Variants in NDST1 observed in about 807,000 individuals in gnomAD.
NDST1 encodes the protein N-deacetylase and N-sulfotransferase 1.
A neutral mutation model predicts 92.8 loss-of-function variants in NDST1; 35 were observed. That is an observed-to-expected ratio of 0.38 (90% CI 0.29 to 0.50). The LOEUF (loss-of-function observed/expected upper bound fraction) is 0.50. Ranked by LOEUF, NDST1 falls within the 20% of genes least tolerant of loss-of-function variation. NDST1 has a pLI of 0.94. For synonymous variants in NDST1, 493 were observed against 500.3 expected (o/e 0.99, Z 0.19); for missense variants, 822 against 1,182.7 (o/e 0.69, Z 4.47).
At chr5:150,503,929 G>A (rs138533662), upstream of NDST1, among the ~76,000 whole-genome samples, 196 of 152,290 alleles carry the variant, frequency 1.3e-3, 3 homozygotes, top group East Asian at 0.015. Flanking sequence ...CTTAATTTAC[G>A]TGTAGGTAGG....
At chr5:150,552,273 C>T (rs1755757332) in intron 14 of NDST1, among the ~76,000 whole-genome samples, 1 of 152,006 alleles carries the variant, frequency 6.6e-6, no homozygotes, top group East Asian at 1.9e-4. Context: ...AAAAAAGGCT[C>T]CTTAAAGGAG....
intron 6 of NDST1, among the ~76,000 whole-genome samples, chr5:150,537,872 C>T (rs1172712429): frequency 1.3e-5 from 2 of 152,178 alleles, no homozygotes; most frequent in African/African-American, 4.8e-5. Context: ...GTACTCTTTC[C>T]CTTTATTTCT....
chr5:150,527,718 GT>G (rs1431480193), intron 2 of NDST1, 85 bp from the exon 3 acceptor site: 116 of 1,586,616 alleles, frequency 7.3e-5, no homozygotes, highest in Non-Finnish European at 9.7e-5. Flanking sequence ...TGATACCACT[GT>G]TATGGTCCAC....
At chr5:150,508,341 G>T (rs111561334) in intron 1 of NDST1, 115 bp downstream of exon 1, 1 of 154,140 alleles carries the variant, frequency 6.5e-6, no homozygotes, top group African/African-American at 2.4e-5. Flanking sequence ...GTGTGTGTGT[G>T]TGTGTGTGTG....
In NDST1 at chr5:150,541,660, A is replaced by G; in HGVS notation, c.1840A>G (p.Lys614Glu). 6.2e-7 allele frequency: 1 copy of G among 1,614,130 alleles called. No homozygotes were observed. The highest frequency in any genetic ancestry group is 8.5e-7 in the Non-Finnish European group (1 of 1,179,992). ...AAAGCTCCTCATCATCGGCCCCCAG[A>G]AAACAGGCAGGTCTCTCTGCTCTTG... ...FPKLLIIGPQ[K>E]TGTTALYLFL... The change falls in exon 9 of 15, where the codon AAA (lysine) becomes GAA (glutamate). Residue 614 changes from lysine to glutamate, a missense_variant. Physicochemically the swap from Lys to Glu is moderately conservative, Grantham distance 56. Transcript: ENST00000261797.
rs1755894033 is a variant in NDST1 at position 150,557,468 on chromosome 5, T to G, written c.*4136T>G. On this transcript the variant is annotated 3_prime_UTR_variant, in exon 15 of 15. Coordinates refer to ENST00000261797, the MANE Select transcript of NDST1 (RefSeq NM_001543.5). This position sits in a 1 kb window ranked among gnomAD's most constrained non-coding sequence, Gnocchi z 4.7. ...GAACTGCCTCCCGCAAGCTGTGGTG[T>G]GAGAAGAGCCCTGGCTGGCAGCAGG... The G allele has an allele frequency of 2.0e-5, 3 of 152,516 alleles. No homozygotes were observed. Among genetic ancestry groups the G allele is most frequent in the Admixed American group, 2.0e-4 (3 of 15,282 alleles). The allele number at this position is 152,516 out of a possible 1,614,324, so 9.4% of individuals were successfully genotyped here. A position where few individuals can be genotyped will look rare whatever the true frequency, so the allele number is the denominator to read the frequency against.
intron 3 of NDST1, 116 bp downstream of exon 3, chr5:150,528,414 A>G (rs1754567951): frequency 1.7e-6 from 2 of 1,196,610 alleles, no homozygotes; most frequent in African/African-American, 1.5e-5. Context: ...GGAGTTACTT[A>G]AAAGACAGTC....
chr5:150,553,374 G>T lies in NDST1; in HGVS notation c.*42G>T, dbSNP rs201134280. 1 of 1,606,096 alleles carries T rather than the reference G, an allele frequency of 6.2e-7. No individual in the cohort carries two copies. The highest frequency in any genetic ancestry group is 1.1e-5 in the South Asian group (1 of 90,862). On this transcript the variant is annotated 3_prime_UTR_variant, in exon 15 of 15. Coordinates refer to ENST00000261797, the MANE Select transcript of NDST1 (RefSeq NM_001543.5). This position sits in a 1 kb window ranked among gnomAD's most constrained non-coding sequence, Gnocchi z 4.2. ...CAGACTGAACGTTTGTGAAAGCTGGGACATCCCACCACACGCTGAGCCAGA... is the reference window on the plus strand; with the variant it reads ...CAGACTGAACGTTTGTGAAAGCTGGTACATCCCACCACACGCTGAGCCAGA...
chr5:150,547,498 A>G (rs1201620917), intron 11 of NDST1, among the ~76,000 whole-genome samples: 2 of 152,130 alleles, frequency 1.3e-5, no homozygotes, highest in African/African-American at 4.8e-5. Flanking sequence ...GCATTATTTT[A>G]AGTGATTCAG....
upstream of NDST1, among the ~76,000 whole-genome samples, chr5:150,504,953 A>C (rs1429772438): frequency 6.6e-6 from 1 of 152,130 alleles, no homozygotes; most frequent in East Asian, 1.9e-4. Flanking sequence ...CATCTCAAAC[A>C]TTGTGTTCCT....
intron 2 of NDST1, among the ~76,000 whole-genome samples, chr5:150,524,875 G>A (rs1360915672): frequency 6.6e-6 from 1 of 152,210 alleles, no homozygotes; most frequent in African/African-American, 2.4e-5. Flanking sequence ...GGAGCATTTT[G>A]GATTTTCAGA....
chr5:150,529,241 A>G lies in NDST1; in HGVS notation c.1008+943A>G, dbSNP rs13357901. 4.6e-3 allele frequency among the ~76,000 whole-genome samples: 692 copies of G among 151,982 alleles called. 7 individuals carry two copies. The highest frequency in any genetic ancestry group is 0.016 in the African/African-American group (667 of 41,416). On this transcript the variant is annotated intron_variant, in intron 3 of 14. Transcript: ENST00000261797. Reference sequence around the variant, plus strand: ...ACCTTGTCTCTACAAAAAATAAAACATTAGCTGGGTGTGGTGGTAGTAGTC... The same window carrying G: ...ACCTTGTCTCTACAAAAAATAAAACGTTAGCTGGGTGTGGTGGTAGTAGTC...
At chr5:150,516,741 C>T (rs1753984338) in intron 1 of NDST1, among the ~76,000 whole-genome samples, 1 of 152,186 alleles carries the variant, frequency 6.6e-6, no homozygotes, top group Admixed American at 6.5e-5. Context: ...TCTCACCTTA[C>T]TGCAGCCTCT....
rs886828306 is a variant in NDST1, at chr5:150,519,309, G to A, written c.-387-1559G>A. Among the ~76,000 whole-genome samples, 4 of 152,302 alleles carry A rather than the reference G, an allele frequency of 2.6e-5. No homozygotes were observed. The East Asian group carries it at 7.7e-4, about 29-fold the overall frequency. ...CAAAGATCTTTACCCTCTAGGCTGG[G>A]CCCAAGCCTTGAATTCCCCCCTGGC... On this transcript the variant is annotated intron_variant, in intron 1 of 14. Coordinates refer to ENST00000261797, the MANE Select transcript of NDST1 (RefSeq NM_001543.5).
intron 3 of NDST1, among the ~76,000 whole-genome samples, chr5:150,529,358 T>C (rs944595150): frequency 7.4e-6 from 1 of 134,548 alleles, no homozygotes; most frequent in African/African-American, 2.8e-5. Flanking sequence ...TGCATGGCAT[T>C]CCAGCCTGGG....
At chr5:150,532,002 T>C (rs1754764055) in intron 3 of NDST1, among the ~76,000 whole-genome samples, 1 of 152,128 alleles carries the variant, frequency 6.6e-6, no homozygotes, top group Non-Finnish European at 1.5e-5. Context: ...CTGCATTCCA[T>C]CAGCAAAGAG....
chr5:150,533,200 AC>A (rs898491461), intron 4 of NDST1, among the ~76,000 whole-genome samples, 168 bp downstream of exon 4: 2 of 151,970 alleles, frequency 1.3e-5, no homozygotes, highest in African/African-American at 4.8e-5. Flanking sequence ...AGCAGTCACA[AC>A]CCAGGCAGAG....
chr5:150,535,499 G>A (rs1388079719), intron 5 of NDST1: 1 of 754,782 alleles, frequency 1.3e-6, no homozygotes, highest in Non-Finnish European at 1.6e-6. Flanking sequence ...TCTAATCCCA[G>A]CTCTGCCAGT....
chr5:150,514,381 C>T (rs1753860624), intron 1 of NDST1, among the ~76,000 whole-genome samples: 1 of 151,972 alleles, frequency 6.6e-6, no homozygotes, highest in Non-Finnish European at 1.5e-5. Context: ...ACCAGCCTGG[C>T]CAACATGGCA....
Sources: gnomAD v4.1 joint callset for allele counts (sites outside exome capture counted in the v4.1 genomes callset) on GRCh38, gnomAD v4.1.1 for gene constraint, Gnocchi (gnomAD v3.1) non-coding constraint, MANE v1.5 for transcripts, NCBI Gene and HGNC (gene_info 2026-07-23, HGNC 2026-07-21) for gene names.